The following TENM4 variants were observed in gnomAD, a reference collection of about 807,000 sequenced individuals.
The protein encoded by TENM4 is teneurin transmembrane protein 4, also known as teneurin-4.
Under a neutral mutation model 243.3 loss-of-function variants are expected in TENM4, and 82 were observed. The observed-to-expected ratio is 0.34, with a 90% CI of 0.28 to 0.40. The LOEUF (loss-of-function observed/expected upper bound fraction) is 0.40. Among genes scored for constraint, TENM4 ranks in the 10% least tolerant of loss-of-function variants. The pLI is 1.00. For synonymous variants in TENM4, 1,412 were observed against 1,456.3 expected (o/e 0.97, Z 0.69); for missense variants, 3,138 against 3,673.3 (o/e 0.85, Z 3.77).
chr11:78,880,369 T>C (rs1859398997), intron 9 of TENM4, among the ~76,000 whole-genome samples: 1 of 150,832 alleles, frequency 6.6e-6, no homozygotes, highest in Non-Finnish European at 1.5e-5. Flanking sequence ...TGTTCACATG[T>C]TTATCTGCTG....
chr11:78,912,259 C>T (rs1191040687), intron 6 of TENM4, among the ~76,000 whole-genome samples: 1 of 152,144 alleles, frequency 6.6e-6, no homozygotes, highest in Admixed American at 6.5e-5. Context: ...AGAGGGCTCA[C>T]CCCGACTTCC....
rs148024722 is a variant in TENM4, at chr11:79,124,094, C to T, written c.-66+24616G>A. 6.1e-3 allele frequency among the ~76,000 whole-genome samples: 929 copies of T among 152,208 alleles called. 9 individuals are homozygous for T. The highest frequency in any genetic ancestry group is 0.021 in the African/African-American group (871 of 41,554). ...TCATATTGGGTTTTGACTGTGGGTC[C>T]GTTGGCAGGACTCTGAGGCTGGGTA... On this transcript the variant is annotated intron_variant, in intron 4 of 33. Coordinates refer to ENST00000278550, the MANE Select transcript of TENM4 (RefSeq NM_001098816.3).
At chr11:79,138,398 A>G (rs1450913154) in intron 4 of TENM4, among the ~76,000 whole-genome samples, 3 of 118,386 alleles carry the variant, frequency 2.5e-5, no homozygotes, top group African/African-American at 6.8e-5. Context: ...TAATATAGTT[A>G]TATATAAATA....
chr11:79,370,395 C>T (rs551864387), intron 1 of TENM4, among the ~76,000 whole-genome samples: 57 of 152,320 alleles, frequency 3.7e-4, no homozygotes, highest in African/African-American at 1.2e-3. Flanking sequence ...CATCTCAAGC[C>T]GTTGTGGTGG....
chr11:78,743,838 A>C (rs1241807895), intron 19 of TENM4, among the ~76,000 whole-genome samples: 1 of 152,198 alleles, frequency 6.6e-6, no homozygotes, highest in African/African-American at 2.4e-5. Context: ...TGTGTGTGTT[A>C]TTTTGTTATT....
chr11:79,080,790 A>G (rs558028657), intron 4 of TENM4, among the ~76,000 whole-genome samples: 2 of 152,318 alleles, frequency 1.3e-5, no homozygotes, highest in South Asian at 4.1e-4. Flanking sequence ...TTCTCCCTAG[A>G]AAAACCCTTT....
chr11:79,043,581 C>A (rs991176590), intron 6 of TENM4, among the ~76,000 whole-genome samples: 1 of 152,194 alleles, frequency 6.6e-6, no homozygotes, highest in South Asian at 2.1e-4. Context: ...TTGTTTGTCA[C>A]TGCACCATAA....
intron 1 of TENM4, among the ~76,000 whole-genome samples, chr11:79,323,992 T>C (rs371600542): frequency 6.6e-6 from 1 of 152,140 alleles, no homozygotes; most frequent in African/African-American, 2.4e-5. Flanking sequence ...GGGGGATTGG[T>C]TGCAGGAACA....
At chr11:79,001,476 GA>G (rs1351237352) in intron 6 of TENM4, among the ~76,000 whole-genome samples, 3 of 128,406 alleles carry the variant, frequency 2.3e-5, no homozygotes, top group Admixed American at 1.5e-4. Context: ...GGCAGCAGGA[GA>G]CCCCCCCCAA....
chr11:78,730,797 C>T (rs1382074713), intron 21 of TENM4, among the ~76,000 whole-genome samples: 4 of 152,238 alleles, frequency 2.6e-5, no homozygotes, highest in Admixed American at 6.5e-5. Context: ...CAAGTGTGAA[C>T]GTTTACCCTC....
chr11:78,805,277 T>TACCCCCC lies in TENM4; in HGVS notation c.2179+14_2179+15insGGGGGGT. 2.9e-6 allele frequency: 4 copies of TACCCCCC among 1,402,546 alleles called. No individual in the cohort carries two copies. Among genetic ancestry groups the TACCCCCC allele is most frequent in the East Asian group, 3.1e-5 (1 of 32,218 alleles). 86.9% of individuals were successfully genotyped at this position (1,402,546 alleles called of 1,614,324 possible). ...CCCCTCCCTCTACCCATGCTTCTTCTCCCCCTGCATTTACCGATAGAACAG... is the reference window on the plus strand; with the variant it reads ...CCCCTCCCTCTACCCATGCTTCTTCTACCCCCCCCCCCTGCATTTACCGATAGAACAG... On this transcript the variant is annotated intron_variant, in intron 15 of 33. Coordinates refer to ENST00000278550, the MANE Select transcript of TENM4 (RefSeq NM_001098816.3).
intron 6 of TENM4, among the ~76,000 whole-genome samples, chr11:78,951,507 T>C (rs1398798239): frequency 1.3e-5 from 2 of 152,200 alleles, no homozygotes; most frequent in Non-Finnish European, 2.9e-5. Flanking sequence ...CAAAATTCCA[T>C]AGACTAGGTT....
chr11:79,259,256 A>G (rs539702778), intron 2 of TENM4, among the ~76,000 whole-genome samples: 1 of 152,328 alleles, frequency 6.6e-6, no homozygotes, highest in South Asian at 2.1e-4. Flanking sequence ...AGTACTGTTC[A>G]AAAGTAAACT....
chr11:79,227,060 A>G (rs1864282686), intron 2 of TENM4, among the ~76,000 whole-genome samples: 1 of 152,182 alleles, frequency 6.6e-6, no homozygotes, highest in African/African-American at 2.4e-5. Context: ...GGCTAAAGAA[A>G]GTCCCTGACA....
intron 6 of TENM4, among the ~76,000 whole-genome samples, chr11:79,044,092 C>T (rs1482464396): frequency 6.6e-6 from 1 of 152,218 alleles, no homozygotes; most frequent in Non-Finnish European, 1.5e-5. Context: ...CTAATTCTAA[C>T]AGCTCTCCCA....
chr11:79,379,323 T>G (rs1164093332), intron 1 of TENM4, among the ~76,000 whole-genome samples: 2 of 152,234 alleles, frequency 1.3e-5, no homozygotes, highest in African/African-American at 4.8e-5. Context: ...TTAATTGTGA[T>G]GCTAAACCTA....
intron 3 of TENM4, among the ~76,000 whole-genome samples, chr11:79,166,126 C>T (rs959374784): frequency 1.3e-5 from 2 of 152,116 alleles, no homozygotes; most frequent in African/African-American, 2.4e-5. Context: ...TAATCATCAC[C>T]GCCAGCAGCA....
At chr11:78,906,980 G>A (rs1188863181) in intron 6 of TENM4, among the ~76,000 whole-genome samples, 1 of 152,126 alleles carries the variant, frequency 6.6e-6, no homozygotes, top group African/African-American at 2.4e-5. Flanking sequence ...AGACCACTCT[G>A]GGCCTGCTAG....
At chr11:79,039,022 G>C (rs749884557) in intron 6 of TENM4, among the ~76,000 whole-genome samples, 22 of 152,178 alleles carry the variant, frequency 1.4e-4, no homozygotes, top group Non-Finnish European at 2.4e-4. Context: ...ATGTACCCCA[G>C]GGGGGCCTCA....
Sources: allele counts gnomAD v4.1 joint callset (sites outside exome capture counted in the v4.1 genomes callset), GRCh38; gene constraint gnomAD v4.1.1; transcripts MANE v1.5; gene names NCBI Gene and HGNC (gene_info 2026-07-23, HGNC 2026-07-21).